Variants in FLRT2 observed in about 807,000 individuals in gnomAD.
FLRT2 encodes the protein leucine-rich repeat transmembrane protein FLRT2.
A neutral mutation model predicts 40.0 loss-of-function variants in FLRT2; 15 were observed. The observed-to-expected ratio is 0.38, with a 90% CI of 0.25 to 0.58. FLRT2 has a LOEUF of 0.58. FLRT2 is among the 20% of genes least tolerant of loss of function. The pLI, the probability that FLRT2 is intolerant of heterozygous loss-of-function variation, is 0.71. For synonymous variants in FLRT2, 380 were observed against 336.8 expected (o/e 1.13, Z -1.41); for missense variants, 726 against 840.0 (o/e 0.86, Z 1.68).
chr14:85,534,256 C>T (rs745604294), intron 1 of FLRT2, among the ~76,000 whole-genome samples: 4 of 152,136 alleles, frequency 2.6e-5, no homozygotes, highest in Non-Finnish European at 5.9e-5. Context: ...AAATTTGGAA[C>T]GTGAATCCAG....
intron 1 of FLRT2, among the ~76,000 whole-genome samples, chr14:85,620,286 G>A (rs373371531): frequency 6.6e-6 from 1 of 151,558 alleles, no homozygotes; most frequent in Non-Finnish European, 1.5e-5. Context: ...TAAATCATGT[G>A]GTAATGTGGT....
At chr14:85,572,207 C>T (rs1245344478) in intron 1 of FLRT2, among the ~76,000 whole-genome samples, 1 of 152,130 alleles carries the variant, frequency 6.6e-6, no homozygotes, top group African/African-American at 2.4e-5. Context: ...CTCTGCTTAT[C>T]TAAGTCCTAC....
rs1319102243 is a variant in FLRT2 at position 85,650,320 on chromosome 14, G to C, written c.*26823G>C. 2 of 151,614 alleles carry C rather than the reference G, an allele frequency of 1.3e-5. No individual in the cohort carries two copies. The highest frequency in any genetic ancestry group is 2.9e-5 in the Non-Finnish European group (2 of 67,878). The allele number at this position is 151,614 out of a possible 1,614,324, so 9.4% of individuals were successfully genotyped here. ...ATACAGTATAATATGTTATTGTATA[G>C]ATACATATATATTTAAAATATATAG... is the stretch of plus-strand genomic sequence containing the variant. On this transcript the variant is annotated 3_prime_UTR_variant, in exon 2 of 2. Transcript: ENST00000330753.
intron 1 of FLRT2, among the ~76,000 whole-genome samples, chr14:85,538,652 G>A (rs1404186261): frequency 1.3e-5 from 2 of 152,032 alleles, no homozygotes; most frequent in Non-Finnish European, 2.9e-5. Context: ...TCAACCCACT[G>A]AAAAAATATC....
chr14:85,590,248 G>A (rs1891822401), intron 1 of FLRT2, among the ~76,000 whole-genome samples: 1 of 152,004 alleles, frequency 6.6e-6, no homozygotes, highest in East Asian at 1.9e-4. Flanking sequence ...GGGCAGTGAG[G>A]CAAAACTGCC....
intron 1 of FLRT2, among the ~76,000 whole-genome samples, chr14:85,571,837 T>A (rs1890905074): frequency 6.6e-6 from 1 of 152,226 alleles, no homozygotes; most frequent in Non-Finnish European, 1.5e-5. Context: ...ACCATTGTTT[T>A]GCATTCAGTG....
At chr14:85,540,108 C>T (rs1210988842) in intron 1 of FLRT2, among the ~76,000 whole-genome samples, 1 of 151,972 alleles carries the variant, frequency 6.6e-6, no homozygotes, top group Non-Finnish European at 1.5e-5. Flanking sequence ...GAAATGAGGT[C>T]GTTTCTCTTT....
At chr14:85,581,574 G>A (rs539412779) in intron 1 of FLRT2, among the ~76,000 whole-genome samples, 6 of 152,216 alleles carry the variant, frequency 3.9e-5, no homozygotes, top group African/African-American at 1.4e-4. Flanking sequence ...ATTAATGTTA[G>A]AAGTTGACTC....
At chr14:85,566,837 A>G (rs1340335223) in intron 1 of FLRT2, among the ~76,000 whole-genome samples, 1 of 152,254 alleles carries the variant, frequency 6.6e-6, no homozygotes, top group East Asian at 1.9e-4. Flanking sequence ...GCAAACATAA[A>G]TATTTTTCAG....
rs1245654579 is a variant in FLRT2 at position 85,650,484 on chromosome 14, A to G, written c.*26987A>G. The G allele has an allele frequency of 6.6e-6, 1 of 152,014 alleles. No homozygotes were observed. Among genetic ancestry groups the G allele is most frequent in the Non-Finnish European group, 1.5e-5 (1 of 67,960 alleles). The allele number at this position is 152,014 out of a possible 1,614,324, so 9.4% of individuals were successfully genotyped here. A position where few individuals can be genotyped will look rare whatever the true frequency, so the allele number is the denominator to read the frequency against. ...GAGAGTTCCTAAACACACACAGTGT[A>G]TCTAGAATTTGAATTGCTAAAATTG... On this transcript the variant is annotated 3_prime_UTR_variant, in exon 2 of 2. Coordinates refer to ENST00000330753, the MANE Select transcript of FLRT2 (RefSeq NM_013231.6).
chr14:85,567,028 G>C (rs1435289407), intron 1 of FLRT2, among the ~76,000 whole-genome samples: 1 of 152,118 alleles, frequency 6.6e-6, no homozygotes, highest in Non-Finnish European at 1.5e-5. Context: ...TGAAAGTTGG[G>C]GGAAGGACAC....
chr14:85,605,070 A>C (rs1892547195), intron 1 of FLRT2, among the ~76,000 whole-genome samples: 1 of 152,188 alleles, frequency 6.6e-6, no homozygotes, highest in African/African-American at 2.4e-5. Context: ...TGGGTATGGA[A>C]GACTTTAACT....
At chr14:85,554,172 G>A (rs992376033) in intron 1 of FLRT2, among the ~76,000 whole-genome samples, 9 of 152,090 alleles carry the variant, frequency 5.9e-5, no homozygotes, top group Non-Finnish European at 2.9e-5. Context: ...TTAAAAAAAA[G>A]GATTCATGAG....
rs1387933134 is a variant in FLRT2 at position 85,622,477 on chromosome 14, C to A, written c.963C>A (p.Val321=). 1.9e-6 allele frequency: 3 copies of A among 1,614,114 alleles called. No individual in the cohort carries two copies. The highest frequency in any genetic ancestry group is 2.5e-6 in the Non-Finnish European group (3 of 1,180,030). The part of the protein sequence containing the change: ...PWFCDCSIKW[V]TEWLKYIPSS... ...TTTGTGACTGCAGTATTAAATGGGT[C>A]ACAGAATGGCTCAAATATATCCCTT... Residue 321 remains valine (V), a synonymous_variant, in exon 2 of 2, where the codon GTC becomes GTA. Coordinates refer to ENST00000330753, the MANE Select transcript of FLRT2 (RefSeq NM_013231.6).
At chr14:85,605,606 T>TA (rs56950196) in intron 1 of FLRT2, among the ~76,000 whole-genome samples, 1 of 151,890 alleles carries the variant, frequency 6.6e-6, no homozygotes, top group East Asian at 1.9e-4. Flanking sequence ...CCGTCTCTAC[T>TA]AAAAATACAA....
At position 85,624,299 on chromosome 14, in the gene FLRT2, C is replaced by A. The variant is rs1308827774; in HGVS notation, c.*802C>A. ...AAGAAGACTCCCTTTAAAAGTGTTA[C>A]TGTTCAAATCATATATCAGGTTGAA... is the stretch of plus-strand genomic sequence containing the variant. On this transcript the variant is annotated 3_prime_UTR_variant, in exon 2 of 2. Coordinates refer to ENST00000330753, the MANE Select transcript of FLRT2 (RefSeq NM_013231.6). 1.2e-5 allele frequency: 2 copies of A among 167,020 alleles called. No homozygotes were observed. The highest frequency in any genetic ancestry group is 6.5e-5 in the Admixed American group (1 of 15,276). The allele number at this position is 167,020 out of a possible 1,614,324, so 10.3% of individuals were successfully genotyped here.
chr14:85,534,404 C>G (rs559423406), intron 1 of FLRT2, among the ~76,000 whole-genome samples: 22 of 152,328 alleles, frequency 1.4e-4, no homozygotes, highest in African/African-American at 5.3e-4. Context: ...CTTCGTTTAG[C>G]TGGACAGCAA....
intron 1 of FLRT2, among the ~76,000 whole-genome samples, chr14:85,546,186 G>A (rs1566719978): frequency 6.6e-6 from 1 of 152,154 alleles, no homozygotes; most frequent in Non-Finnish European, 1.5e-5. Context: ...ATCTCTACAT[G>A]TATGAAAGTT....
intron 1 of FLRT2, among the ~76,000 whole-genome samples, chr14:85,611,885 GGA>G (rs74264052): frequency 2.2e-4 from 31 of 143,114 alleles, no homozygotes; most frequent in South Asian, 1.2e-3. Context: ...TCATGTGAGG[GGA>G]GAGAGAGAGA....
Sources: allele counts gnomAD v4.1 joint callset (sites outside exome capture counted in the v4.1 genomes callset), GRCh38; gene constraint gnomAD v4.1.1; transcripts MANE v1.5; gene names NCBI Gene and HGNC (gene_info 2026-07-23, HGNC 2026-07-21).